The following ACSL5 variants were observed in gnomAD, a reference collection of about 807,000 sequenced individuals.
ACSL5 encodes long-chain-fatty-acid--CoA ligase 5.
ACSL5 carries 50 observed loss-of-function variants against 84.9 expected under a neutral mutation model. That is an observed-to-expected ratio of 0.59 (90% confidence interval 0.47 to 0.75). ACSL5 has a LOEUF of 0.75. ACSL5 is among the 30% of genes least tolerant of loss of function. ACSL5 has a pLI of 0.00. For synonymous variants in ACSL5, 280 were observed against 300.7 expected (o/e 0.93, Z 0.71); for missense variants, 775 against 830.4 (o/e 0.93, Z 0.82).
rs539258491 is a variant in ACSL5, at chr10:112,410,460, T to C, written c.712-3T>C. 1.2e-6 allele frequency: 2 copies of C among 1,614,186 alleles called. No individual in the cohort carries two copies. The highest frequency in any genetic ancestry group is 2.7e-5 in the African/African-American group (2 of 75,056). ...TTTCTTTCTTGGTTTTCCATTCACA[T>C]AGAACCTAGGCAAAGAGCACTTCAG... On this transcript the variant is annotated splice_region_variant and splice_polypyrimidine_tract_variant and intron_variant, in intron 7 of 20. Transcript: ENST00000354655.
intron 3 of ACSL5, among the ~76,000 whole-genome samples, chr10:112,400,594 A>T (rs1190308719): frequency 6.6e-6 from 1 of 151,618 alleles, no homozygotes; most frequent in African/African-American, 2.4e-5. Flanking sequence ...TTTTTAGTAG[A>T]GATGGGGTTT....
At position 112,422,311 on chromosome 10, in the gene ACSL5, T is replaced by C. The variant is rs1589699511; in HGVS notation, c.1477-14T>C. On this transcript the variant is annotated splice_polypyrimidine_tract_variant and intron_variant, in intron 16 of 20. Transcript: ENST00000354655. ...CCTTTGCTATTGTCACCGCCTTGTA[T>C]GTCTGCTGTGCAGGTCTGCATCAAG... 1 of 1,607,116 alleles carries C rather than the reference T, an allele frequency of 6.2e-7. No individual in the cohort carries two copies. Among genetic ancestry groups the C allele is most frequent in the Non-Finnish European group, 8.5e-7 (1 of 1,175,234 alleles).
exon 21 of ACSL5, chr10:112,428,363 AACTATTACAGATACTT>A: frequency 2.5e-6 from 1 of 398,532 alleles, no homozygotes; most frequent in East Asian, 3.6e-5. Context: ...CTTTAAAATA[AACTATTACAGATACTT>A]ACGTTGTGGT....
At chr10:112,375,471 C>T (rs1849218356) in intron 1 of ACSL5, 1 of 152,214 alleles carries the variant, frequency 6.6e-6, no homozygotes, top group South Asian at 2.1e-4. Flanking sequence ...AGCAAAGAGC[C>T]AGGATCATGC....
At chr10:112,397,243 C>A (rs189858862) in intron 2 of ACSL5, among the ~76,000 whole-genome samples, 1 of 151,274 alleles carries the variant, frequency 6.6e-6, no homozygotes, top group Non-Finnish European at 1.5e-5. Flanking sequence ...GATCTTGGCT[C>A]ACTGCAACCT....
intron 1 of ACSL5, chr10:112,376,264 A>G (rs753894860): frequency 1.2e-6 from 2 of 1,613,244 alleles, no homozygotes; most frequent in South Asian, 2.2e-5. Context: ...GGGACAGCTC[A>G]GAGCAGGGCA....
At chr10:112,418,466 C>A (rs1057151774) in intron 14 of ACSL5, among the ~76,000 whole-genome samples, 1 of 152,056 alleles carries the variant, frequency 6.6e-6, no homozygotes, top group Non-Finnish European at 1.5e-5. Context: ...CCTGTAGTCC[C>A]AGCTACTCGG....
intron 12 of ACSL5, among the ~76,000 whole-genome samples, chr10:112,415,390 G>A (rs894000427): frequency 3.3e-5 from 5 of 152,024 alleles, no homozygotes; most frequent in South Asian, 2.1e-4. Flanking sequence ...TAGTAGAGAC[G>A]GGTTTTCACC....
At chr10:112,421,797 C>A in intron 15 of ACSL5, 132 bp downstream of exon 15, 3 of 1,283,360 alleles carry the variant, frequency 2.3e-6, no homozygotes, top group South Asian at 1.2e-5. Flanking sequence ...AGTTTTGGGT[C>A]CAGGCCTGCC....
chr10:112,390,409 T>C (rs963571796), intron 1 of ACSL5, among the ~76,000 whole-genome samples: 11 of 152,118 alleles, frequency 7.2e-5, no homozygotes, highest in African/African-American at 2.7e-4. Context: ...GGGAAAGAAA[T>C]TGGAACCCTC....
In ACSL5 at chr10:112,404,570, A is replaced by G; in HGVS notation, c.325A>G (p.Lys109Glu). ...PNQPYRWLSYKQVSDRAEYLG... is the reference protein window; with the variant it reads ...PNQPYRWLSYEQVSDRAEYLG... ...CCAGCCCTACAGATGGCTATCTTAC[A>G]AACAGGTAAGTTGAGTCCATGTTTT... Residue 109 changes from lysine to glutamate, a missense_variant, in exon 4 of 21, where the codon AAA becomes GAA. By Grantham distance (56) the Lys-to-Glu change is moderately conservative (BLOSUM62 1). Coordinates refer to ENST00000354655, the MANE Select transcript of ACSL5 (RefSeq NM_203379.2). 3 of 1,613,080 alleles carry G rather than the reference A, an allele frequency of 1.9e-6. No homozygotes were observed. The highest frequency in any genetic ancestry group is 2.5e-6 in the Non-Finnish European group (3 of 1,179,054).
chr10:112,410,940 G>C (rs1351758892), intron 9 of ACSL5, among the ~76,000 whole-genome samples: 1 of 152,144 alleles, frequency 6.6e-6, no homozygotes, highest in Non-Finnish European at 1.5e-5. Context: ...CGCTGGAATG[G>C]TTTCATTCAA....
chr10:112,423,174 C>A (rs369378648), intron 17 of ACSL5, among the ~76,000 whole-genome samples: 6 of 78,534 alleles, frequency 7.6e-5, no homozygotes, highest in Non-Finnish European at 1.1e-4. Context: ...GGGGACAGAG[C>A]GAGTCTCTGT....
At chr10:112,417,507 A>C (rs1034734558) in intron 13 of ACSL5, among the ~76,000 whole-genome samples, 1 of 152,072 alleles carries the variant, frequency 6.6e-6, no homozygotes, top group African/African-American at 2.4e-5. Flanking sequence ...TATCTCAAAA[A>C]AAAAAAAAAA....
Position 112,427,715 on chromosome 10 carries a change from CTTT to C in ACSL5, c.*358_*360del, listed in dbSNP as rs777957572. On this transcript the variant is annotated 3_prime_UTR_variant, in exon 21 of 21. Transcript: ENST00000354655. ...TCAAAGGGACCCTCTGTGCCTTCTT[CTTT>C]GTTTTGTGATAAACATAACTTGCCA... 15 of 162,008 alleles carry C rather than the reference CTTT, an allele frequency of 9.3e-5. No individual in the cohort carries two copies. The highest frequency in any genetic ancestry group is 4.0e-4 in the South Asian group (2 of 4,968). The allele number at this position is 162,008 out of a possible 1,614,324, so 10.0% of individuals were successfully genotyped here. A position where few individuals can be genotyped will look rare whatever the true frequency, so the allele number is the denominator to read the frequency against.
rs747151092 is a variant in ACSL5 at position 112,398,890 on chromosome 10, T to A, written c.157-11T>A. Reference sequence around the variant, plus strand: ...ACTTGAACTTGGCCTAAACTTGGTCTTGTGTCTTAGGGAGGAGCACGGAAG... The same window carrying A: ...ACTTGAACTTGGCCTAAACTTGGTCATGTGTCTTAGGGAGGAGCACGGAAG... On this transcript the variant is annotated splice_polypyrimidine_tract_variant and intron_variant, in intron 2 of 20. Transcript: ENST00000354655. 1.2e-6 allele frequency: 2 copies of A among 1,612,868 alleles called. No homozygotes were observed. The highest frequency in any genetic ancestry group is 1.7e-6 in the Non-Finnish European group (2 of 1,178,890).
chr10:112,419,111 T>C (rs1844395975), intron 14 of ACSL5, among the ~76,000 whole-genome samples: 1 of 144,582 alleles, frequency 6.9e-6, no homozygotes, highest in African/African-American at 2.6e-5. Context: ...TCTGTGTGTG[T>C]GTGTGTGTGT....
chr10:112,390,195 A>G (rs1187573080), intron 1 of ACSL5, among the ~76,000 whole-genome samples: 1 of 152,246 alleles, frequency 6.6e-6, no homozygotes, highest in Non-Finnish European at 1.5e-5. Context: ...ATATATATAT[A>G]TGACCTAATT....
chr10:112,422,988 A>G (rs1269003380), intron 17 of ACSL5, among the ~76,000 whole-genome samples: 3 of 149,350 alleles, frequency 2.0e-5, no homozygotes, highest in Non-Finnish European at 4.4e-5. Context: ...GGAGATCGAG[A>G]CCATCCTGGC....
Sources: allele counts gnomAD v4.1 joint callset (sites outside exome capture counted in the v4.1 genomes callset), GRCh38; gene constraint gnomAD v4.1.1; transcripts MANE v1.5; gene names NCBI Gene and HGNC (gene_info 2026-07-23, HGNC 2026-07-21).